The following CABLES2 variants were observed in gnomAD, a reference collection of about 807,000 sequenced individuals.
The protein encoded by CABLES2 is Cdk5 and Abl enzyme substrate 2.
Under a neutral mutation model 44.8 loss-of-function variants are expected in CABLES2, and 35 were observed. The ratio of observed to expected loss-of-function variants is 0.78; its 90% CI spans 0.60 to 1.04. CABLES2 has a LOEUF of 1.04. Ranked by LOEUF, CABLES2 falls within the 50% of genes least tolerant of loss-of-function variation. The pLI is 0.00. For synonymous variants in CABLES2, 282 were observed against 281.1 expected, an observed-to-expected ratio of 1.00 and a Z score of -0.03; for missense variants, 566 against 615.7, an observed-to-expected ratio of 0.92 and a Z score of 0.85.
At chr20:62,398,077 T>TGGTGACGGTGGTGGTGAC in intron 1 of CABLES2, among the ~76,000 whole-genome samples, 1 of 33,110 alleles carries the variant, frequency 3.0e-5, no homozygotes, top group African/African-American at 1.3e-4. Flanking sequence ...GTGACGGTGG[T>TGGTGACGGTGGTGGTGAC]GGTGGTGGTG....
chr20:62,394,983 A>C lies in CABLES2; in HGVS notation c.559T>G (p.Cys187Gly). The change falls in exon 4 of 10, where the codon TGC becomes GGC. Residue 187 changes from cysteine (C) to glycine (G), a missense_variant. This residue lies in a region of CABLES2 where 436 missense variants were observed against 536.3 expected (regional missense o/e 0.81). Transcript: ENST00000279101. ...IVLICAKRSL[C>G]AAFSVLPYGE... ...TAGGGCAGGACCGAGAAGGCCGCGC[A>C]CAGGGACCGCTTGGCACAGATGAGC... 6.2e-7 allele frequency: 1 copy of C among 1,612,968 alleles called. No individual in the cohort carries two copies. The highest frequency in any genetic ancestry group is 8.5e-7 in the Non-Finnish European group (1 of 1,179,958).
At position 62,397,979 on chromosome 20, in the gene CABLES2, G is replaced by T. The variant is rs1196283461; in HGVS notation, c.363-1387C>A. On this transcript the variant is annotated intron_variant, in intron 1 of 9. Transcript: ENST00000279101. ...TGGTGGTGATGGTGGTGACAGTGGT[G>T]ATGGCGGTGGTGGTGATGATGGTGA... 1.1e-3 allele frequency among the ~76,000 whole-genome samples: 127 copies of T among 113,380 alleles called. 3 individuals are homozygous for T. Among genetic ancestry groups the T allele is most frequent in the Admixed American group, 9.2e-3 (107 of 11,590 alleles). 74.4% of individuals were successfully genotyped at this position (113,380 alleles called of 152,430 possible). A position where few individuals can be genotyped will look rare whatever the true frequency, so the allele number is the denominator to read the frequency against.
intron 1 of CABLES2, among the ~76,000 whole-genome samples, chr20:62,398,178 GTGGTGGTGATGGTGATGATGGTGGTGA>G (rs2146424930): frequency 1.0e-5 from 1 of 96,326 alleles, no homozygotes; most frequent in East Asian, 2.3e-4. Context: ...GGTAATGGTG[GTGGTGGTGATGGTGATGATGGTGGTGA>G]TGGTGATGTG....
Position 62,395,023 on chromosome 20 carries a change from G to C in CABLES2, c.528-9C>G. On this transcript the variant is annotated splice_polypyrimidine_tract_variant and intron_variant, in intron 3 of 9. Coordinates refer to ENST00000279101, the MANE Select transcript of CABLES2 (RefSeq NM_031215.3). The stretch of plus-strand genomic sequence containing the variant: ...CACAGATGAGCACGATCCTGCAGGG[G>C]GACGGAGTCAGGGGAGACGGGGCCG... The C allele has an allele frequency of 6.2e-7, 1 of 1,612,184 alleles. No individual in the cohort carries two copies. Among genetic ancestry groups the C allele is most frequent in the Non-Finnish European group, 8.5e-7 (1 of 1,179,346 alleles).
chr20:62,393,165 G>A (rs1987952057), intron 6 of CABLES2, 142 bp from the exon 7 acceptor site: 2 of 775,536 alleles, frequency 2.6e-6, no homozygotes, highest in Non-Finnish European at 4.2e-6. Flanking sequence ...GAAGGGCCCA[G>A]GGCTTAGGGC....
chr20:62,397,973 A>ATGGTGATG (rs1569017258), intron 1 of CABLES2, among the ~76,000 whole-genome samples: 1 of 103,346 alleles, frequency 9.7e-6, no homozygotes, highest in South Asian at 4.1e-4. Context: ...TGGTGGTGAC[A>ATGGTGATG]GTGGTGATGG....
In CABLES2 at chr20:62,391,090, A is replaced by T; in HGVS notation, c.1318T>A (p.Phe440Ile). 6.2e-7 allele frequency: 1 copy of T among 1,614,062 alleles called. No individual in the cohort carries two copies. The highest frequency in any genetic ancestry group is 8.5e-7 in the Non-Finnish European group (1 of 1,180,014). The stretch of plus-strand genomic sequence containing the variant: ...AACCCTATCAGGTCGCGCCTGTTGA[A>T]TCGAAACCTTTCTTCTAACTTCTGC... ...LIDKLEERFR[F>I]NRRDLIGFEF... Residue 440 changes from phenylalanine (F) to isoleucine (I), a missense_variant, in exon 10 of 10, where the codon TTC becomes ATC. Around this residue, in one of 2 missense-constraint regions of CABLES2, gnomAD observed 436 missense variants for 536.3 expected, o/e 0.81. Transcript: ENST00000279101. The surrounding 1 kb of genome is among the most constrained non-coding windows in gnomAD (Gnocchi z 5.7).
chr20:62,397,380 T>TTA (rs1204524065), intron 1 of CABLES2, among the ~76,000 whole-genome samples: 2 of 152,172 alleles, frequency 1.3e-5, no homozygotes, highest in Non-Finnish European at 2.9e-5. Flanking sequence ...CACTCACTGC[T>TTA]GTCCTTAGTG....
rs1401011448 is a variant in CABLES2, at chr20:62,396,573, G to C, written c.382C>G (p.Arg128Gly). 6.2e-7 allele frequency: 1 copy of C among 1,613,214 alleles called. No individual in the cohort carries two copies. The highest frequency in any genetic ancestry group is 1.1e-5 in the South Asian group (1 of 91,000). The change falls in exon 2 of 10, where the codon CGC becomes GGC. Residue 128 changes from arginine (R) to glycine (G), a missense_variant. Around this residue, in one of 2 missense-constraint regions of CABLES2, gnomAD observed 436 missense variants for 536.3 expected, o/e 0.81. Coordinates refer to ENST00000279101, the MANE Select transcript of CABLES2 (RefSeq NM_031215.3). The surrounding 1 kb of genome is among the most constrained non-coding windows in gnomAD (Gnocchi z 5.7). ...QRQRKRVTSQ[R>G]CSLEFLEDAV... ...TCTTCCAGAAACTCCAGGGAGCAGC[G>C]CTGGGACGTGACTCGCTTCCTGCAA...
At chr20:62,406,823 G>T in intron 1 of CABLES2, 92 bp downstream of exon 1, 1 of 726,550 alleles carries the variant, frequency 1.4e-6, no homozygotes, top group Non-Finnish European at 1.8e-6. Flanking sequence ...GAGGCCCCAA[G>T]TAATCCTGAC....
At chr20:62,398,071 C>CGGTGGTGGTGACGGTGGTGGT (rs1555890761) in intron 1 of CABLES2, among the ~76,000 whole-genome samples, 1 of 68,302 alleles carries the variant, frequency 1.5e-5, no homozygotes, top group Non-Finnish European at 2.7e-5. Flanking sequence ...GTGGTGGTGA[C>CGGTGGTGGTGACGGTGGTGGT]GGTGGTGGTG....
chr20:62,400,424 GCGGA>G (rs1988167725), intron 1 of CABLES2, among the ~76,000 whole-genome samples: 1 of 152,174 alleles, frequency 6.6e-6, no homozygotes, highest in Non-Finnish European at 1.5e-5. Context: ...ATGGGTGACG[GCGGA>G]CAGACTGCCC....
chr20:62,388,770 A>T lies in CABLES2; in HGVS notation c.*2201T>A, dbSNP rs1460191721. The stretch of plus-strand genomic sequence containing the variant: ...CCACAACTGCTACCGGTGCGGAAGC[A>T]ACGCCAGGCCTGGTTCTGTATAGTC... On this transcript the variant is annotated 3_prime_UTR_variant, in exon 10 of 10. Transcript: ENST00000279101. 2 of 466,848 alleles carry T rather than the reference A, an allele frequency of 4.3e-6. No individual in the cohort carries two copies. The highest frequency in any genetic ancestry group is 2.0e-5 in the African/African-American group (1 of 50,986). 28.9% of individuals were successfully genotyped at this position (466,848 alleles called of 1,614,324 possible). A position where few individuals can be genotyped will look rare whatever the true frequency, so the allele number is the denominator to read the frequency against.
At chr20:62,395,159 T>TTGA in intron 3 of CABLES2, 145 bp from the exon 4 acceptor site, 4 of 681,022 alleles carry the variant, frequency 5.9e-6, no homozygotes, top group Non-Finnish European at 7.6e-6. Flanking sequence ...CCAAGGGGAC[T>TTGA]TGAGCCCAGG....
At chr20:62,397,994 G>T (rs756439204) in intron 1 of CABLES2, among the ~76,000 whole-genome samples, 8 of 89,048 alleles carry the variant, frequency 9.0e-5, no homozygotes, top group African/African-American at 1.5e-4. Context: ...CGGTGGTGGT[G>T]ATGATGGTGA....
chr20:62,407,001 C>T lies in CABLES2; in HGVS notation c.276G>A (p.Gly92=). 8.4e-7 allele frequency: 1 copy of T among 1,188,924 alleles called. No individual in the cohort carries two copies. Among genetic ancestry groups the T allele is most frequent in the Non-Finnish European group, 1.0e-6 (1 of 960,224 alleles). The allele number at this position is 1,188,924 out of a possible 1,614,324, so 73.6% of individuals were successfully genotyped here. A position where few individuals can be genotyped will look rare whatever the true frequency, so the allele number is the denominator to read the frequency against. ...PAPPPPEPPT[G]LPARTPAPQG... ...GGGGCGCGGGGGTCCTGGCGGGCAG[C>T]CCGGTGGGGGGCTCCGGCGGCGGCG... Residue 92 remains glycine (G), a synonymous_variant, in exon 1 of 10, where the codon GGG becomes GGA. Coordinates refer to ENST00000279101, the MANE Select transcript of CABLES2 (RefSeq NM_031215.3).
intron 1 of CABLES2, among the ~76,000 whole-genome samples, chr20:62,398,133 G>GTGA (rs1988096236): frequency 1.6e-5 from 2 of 124,748 alleles, no homozygotes; most frequent in Admixed American, 7.8e-5. Context: ...GGTTATGACG[G>GTGA]TGGTGATGGT....
rs373114516 is a variant in CABLES2, at chr20:62,396,515, G to A, written c.434+6C>T. On this transcript the variant is annotated splice_donor_region_variant and intron_variant, in intron 2 of 9. Transcript: ENST00000279101. This position sits in a 1 kb window ranked among gnomAD's most constrained non-coding sequence, Gnocchi z 5.7. The stretch of plus-strand genomic sequence containing the variant: ...CGTAGAGCTCGGGGCGGACGGGGGC[G>A]TGTACCTCTGTGCTGGAGCGCATCC... The A allele has an allele frequency of 1.5e-5, 25 of 1,613,708 alleles. No homozygotes were observed. In the East Asian group the frequency reaches 2.5e-4, roughly 16 times the overall value.
At chr20:62,397,274 T>C (rs1182723471) in intron 1 of CABLES2, among the ~76,000 whole-genome samples, 1 of 152,098 alleles carries the variant, frequency 6.6e-6, no homozygotes, top group Non-Finnish European at 1.5e-5. Flanking sequence ...AAGGCACTGG[T>C]CACTACAGGA....
Sources: gnomAD v4.1 joint callset for allele counts (sites outside exome capture counted in the v4.1 genomes callset) on GRCh38, gnomAD v4.1.1 for gene constraint, gnomAD v4.1.1 regional missense constraint, Gnocchi (gnomAD v3.1) non-coding constraint, MANE v1.5 for transcripts, NCBI Gene and HGNC (gene_info 2026-07-23, HGNC 2026-07-21) for gene names.